CACNA1A: variants seen among roughly 807,000 people sequenced by gnomAD.
The protein encoded by CACNA1A is voltage-dependent P/Q-type calcium channel subunit alpha-1A.
CACNA1A carries 57 observed loss-of-function variants against 262.4 expected under a neutral mutation model. The observed-to-expected ratio is 0.22, with a 90% CI of 0.18 to 0.27. CACNA1A has a LOEUF of 0.27. Ranked by LOEUF, CACNA1A falls within the 10% of genes least tolerant of loss-of-function variation. The pLI, the probability that CACNA1A is intolerant of heterozygous loss-of-function variation, is 1.00. For missense variants in CACNA1A, 2,526 were observed against 3,562.8 expected, an observed-to-expected ratio of 0.71 and a Z score of 7.41; for synonymous variants, 1,431 against 1,419.3, an observed-to-expected ratio of 1.01 and a Z score of -0.18.
In CACNA1A at chr19:13,252,812, TGGGACTC is replaced by T. The variant is rs2056438340; in HGVS notation, c.4866+172_4866+178del. ...GTAACACTCACAGGTTGGGTCTCCCTGGGACTCCTTGGCAAACACAAGAATGCCTAAG... is the reference window on the plus strand; with the variant it reads ...GTAACACTCACAGGTTGGGTCTCCCTCTTGGCAAACACAAGAATGCCTAAG... On this transcript the variant is annotated intron_variant, in intron 30 of 46. Coordinates refer to ENST00000360228, the MANE Select transcript of CACNA1A (RefSeq NM_001127222.2). 1.3e-4 allele frequency: 67 copies of T among 504,010 alleles called. No homozygotes were observed. The South Asian group carries it at 2.2e-3, about 16-fold the overall frequency. The allele number at this position is 504,010 out of a possible 1,614,324, so 31.2% of individuals were successfully genotyped here.
Position 13,241,445 on chromosome 19 carries a change from C to T in CACNA1A, c.4950+3737G>A. 1.0e-6 allele frequency: 1 copy of T among 966,672 alleles called. No homozygotes were observed. Among genetic ancestry groups the T allele is most frequent in the Middle Eastern group, 2.1e-4 (1 of 4,876 alleles). 59.9% of individuals were successfully genotyped at this position (966,672 alleles called of 1,614,324 possible). ...CCCACGTTGGAGAGGCAGGGTGTGGCATGCAATGCCGACGCGAGGAGATGC... is the reference window on the plus strand; with the variant it reads ...CCCACGTTGGAGAGGCAGGGTGTGGTATGCAATGCCGACGCGAGGAGATGC... On this transcript the variant is annotated intron_variant, in intron 31 of 46. Transcript: ENST00000360228. The surrounding 1 kb of genome is among the most constrained non-coding windows in gnomAD (Gnocchi z 4.0).
intron 22 of CACNA1A, among the ~76,000 whole-genome samples, chr19:13,278,211 C>T (rs997897360): frequency 2.6e-5 from 4 of 152,302 alleles, no homozygotes; most frequent in Admixed American, 1.3e-4. Flanking sequence ...TTACAATCCT[C>T]CGTGGCTCCC....
At chr19:13,440,029 G>A (rs912315636) in intron 3 of CACNA1A, among the ~76,000 whole-genome samples, 9 of 151,974 alleles carry the variant, frequency 5.9e-5, no homozygotes, top group East Asian at 1.9e-4. Context: ...GCACTATCAC[G>A]GCTCACTGCA....
In CACNA1A at chr19:13,371,672, T is replaced by C; in HGVS notation, c.631+16A>G. On this transcript the variant is annotated intron_variant, in intron 4 of 46. Transcript: ENST00000360228. ...CCCGTGAGCAAACCCCTTGTCAGGGTCGGAAACTCACGCACTTGGGATTCC... is the reference window on the plus strand; with the variant it reads ...CCCGTGAGCAAACCCCTTGTCAGGGCCGGAAACTCACGCACTTGGGATTCC... 1 of 1,551,826 alleles carries C rather than the reference T, an allele frequency of 6.4e-7. No homozygotes were observed. The highest frequency in any genetic ancestry group is 1.4e-5 in the African/African-American group (1 of 73,182).
intron 1 of CACNA1A, among the ~76,000 whole-genome samples, chr19:13,460,243 T>C (rs1236899285): frequency 6.6e-6 from 1 of 152,114 alleles, no homozygotes; most frequent in Non-Finnish European, 1.5e-5. Context: ...GCCAGGGGAT[T>C]TGTGTGCACC....
Position 13,241,088 on chromosome 19 carries a change from G to A in CACNA1A, c.4950+4094C>T, listed in dbSNP as rs1474739234. Among the ~76,000 whole-genome samples the A allele has an allele frequency of 6.6e-6, 1 of 152,226 alleles. No individual in the cohort carries two copies. Among genetic ancestry groups the A allele is most frequent in the Middle Eastern group, 3.2e-3 (1 of 316 alleles). ...CAGCAGGATGGAGAGAGCTGGAGGG[G>A]CGAGGAGACAGTTGGCAGCTTTCCT... On this transcript the variant is annotated intron_variant, in intron 31 of 46. Transcript: ENST00000360228. The surrounding 1 kb of genome is among the most constrained non-coding windows in gnomAD (Gnocchi z 4.0).
At chr19:13,478,701 C>T (rs947561847) in intron 1 of CACNA1A, among the ~76,000 whole-genome samples, 7 of 152,148 alleles carry the variant, frequency 4.6e-5, no homozygotes, top group Admixed American at 2.0e-4. Context: ...ATGGCCCAAA[C>T]GAGAATCAAC....
At position 13,506,249 on chromosome 19, in the gene CACNA1A, G is replaced by C. The variant is rs1489777665; in HGVS notation, c.-25C>G. The C allele has an allele frequency of 1.4e-6, 2 of 1,425,818 alleles. No individual in the cohort carries two copies. Among genetic ancestry groups the C allele is most frequent in the Non-Finnish European group, 1.8e-6 (2 of 1,101,966 alleles). 88.3% of individuals were successfully genotyped at this position (1,425,818 alleles called of 1,614,324 possible). A position where few individuals can be genotyped will look rare whatever the true frequency, so the allele number is the denominator to read the frequency against. ...TTCTGCAAAGAGCAAAGGGCTCCGG[G>C]TTACGCTGCGGCGAACGATGCGGAA... On this transcript the variant is annotated 5_prime_UTR_variant, in exon 1 of 47. Transcript: ENST00000360228.
At chr19:13,339,346 T>C (rs2058635776) in intron 6 of CACNA1A, among the ~76,000 whole-genome samples, 2 of 151,900 alleles carry the variant, frequency 1.3e-5, no homozygotes, top group Non-Finnish European at 1.5e-5. Context: ...AAACAGAAAG[T>C]AGCATGGTGG....
intron 28 of CACNA1A, among the ~76,000 whole-genome samples, chr19:13,255,863 TTC>T (rs779756476): frequency 8.3e-4 from 119 of 142,684 alleles, no homozygotes; most frequent in Non-Finnish European, 1.3e-3. Flanking sequence ...CTCCTTTCCT[TTC>T]TCTCTTCTTC....
intron 12 of CACNA1A, among the ~76,000 whole-genome samples, chr19:13,311,684 A>C (rs1160457933): frequency 6.6e-6 from 1 of 152,014 alleles, no homozygotes; most frequent in Non-Finnish European, 1.5e-5. Context: ...AAAAATACAA[A>C]AAATTAGCCA....
intron 3 of CACNA1A, among the ~76,000 whole-genome samples, chr19:13,398,117 G>T (rs1000918785): frequency 1.3e-5 from 2 of 151,992 alleles, no homozygotes; most frequent in South Asian, 2.1e-4. Context: ...CAAAAAATTA[G>T]CCAGGTGTGG....
chr19:13,393,503 C>T (rs1202926776), intron 3 of CACNA1A, among the ~76,000 whole-genome samples: 5 of 103,390 alleles, frequency 4.8e-5, no homozygotes, highest in Non-Finnish European at 1.1e-4. Flanking sequence ...TTCCTTCCTT[C>T]CTTTCCTTCC....
At chr19:13,324,614 T>C (rs2058317198) in intron 10 of CACNA1A, among the ~76,000 whole-genome samples, 1 of 152,162 alleles carries the variant, frequency 6.6e-6, no homozygotes, top group African/African-American at 2.4e-5. Flanking sequence ...ATGCCTGTAA[T>C]CCCAGAACTT....
chr19:13,283,099 A>G (rs556736756), intron 22 of CACNA1A, among the ~76,000 whole-genome samples, 168 bp downstream of exon 22: 1 of 152,308 alleles, frequency 6.6e-6, no homozygotes, highest in East Asian at 1.9e-4. Flanking sequence ...CTTGCTCCCA[A>G]GAGCATCCCC....
intron 3 of CACNA1A, among the ~76,000 whole-genome samples, chr19:13,420,161 G>C (rs1389523680): frequency 1.1e-4 from 16 of 151,556 alleles, no homozygotes; most frequent in Non-Finnish European, 2.2e-4. Flanking sequence ...TTTTGGGCAG[G>C]GGTCAGCAAA....
Position 13,208,912 on chromosome 19 carries a change from T to G in CACNA1A, c.6624A>C (p.Arg2208=), listed in dbSNP as rs556858383. ...ERGRPKDRKH[R]QHHHHHHHHH... ...GGTGGTGGTGGTGGTGGTGGTGCTG[T>G]CGATGCTTCCGATCCTTGGGCCGGC... is the stretch of plus-strand genomic sequence containing the variant. Residue 2208 remains arginine, a synonymous_variant, in exon 46 of 47, where the codon CGA becomes CGC. Transcript: ENST00000360228. 22 of 1,536,618 alleles carry G rather than the reference T, an allele frequency of 1.4e-5. No individual in the cohort carries two copies. The highest frequency in any genetic ancestry group is 2.7e-5 in the African/African-American group (2 of 72,986).
At chr19:13,405,132 G>C (rs1474528479) in intron 3 of CACNA1A, among the ~76,000 whole-genome samples, 1 of 151,984 alleles carries the variant, frequency 6.6e-6, no homozygotes, top group African/African-American at 2.4e-5. Flanking sequence ...CTGACCTCAA[G>C]TGATCTGCCC....
intron 10 of CACNA1A, among the ~76,000 whole-genome samples, chr19:13,323,149 C>T (rs897382524): frequency 1.4e-4 from 21 of 152,204 alleles, no homozygotes; most frequent in African/African-American, 5.1e-4. Flanking sequence ...ATTTCAGTTA[C>T]TCGGGAGGCT....
Sources: gnomAD v4.1 joint callset for allele counts (sites outside exome capture counted in the v4.1 genomes callset) on GRCh38, gnomAD v4.1.1 for gene constraint, Gnocchi (gnomAD v3.1) non-coding constraint, MANE v1.5 for transcripts, NCBI Gene and HGNC (gene_info 2026-07-23, HGNC 2026-07-21) for gene names.